NCS1: variants seen among roughly 807,000 people sequenced by gnomAD.
NCS1 encodes the protein frequenin homolog.
Under a neutral mutation model 28.4 loss-of-function variants are expected in NCS1, and 6 were observed. The observed-to-expected ratio is 0.21, with a 90% CI of 0.12 to 0.42. The LOEUF (loss-of-function observed/expected upper bound fraction) is 0.42. Among genes scored for constraint, NCS1 ranks in the 10% least tolerant of loss-of-function variants. NCS1 has a pLI of 1.00. For missense variants in NCS1, 131 were observed against 241.4 expected (o/e 0.54, Z 3.03); for synonymous variants, 86 against 99.3 (o/e 0.87, Z 0.79).
intron 7 of NCS1, among the ~76,000 whole-genome samples, chr9:130,228,463 A>G (rs1203584962): frequency 6.6e-6 from 1 of 151,926 alleles, no homozygotes; most frequent in Non-Finnish European, 1.5e-5. Context: ...ACCTCAAGTG[A>G]TCCTCCTACC....
At position 130,219,950 on chromosome 9, in the gene NCS1, G is replaced by T. The variant is rs1833251633; in HGVS notation, c.307+147G>T. On this transcript the variant is annotated intron_variant, in intron 4 of 7. Coordinates refer to ENST00000372398, the MANE Select transcript of NCS1 (RefSeq NM_014286.4). This position sits in a 1 kb window ranked among gnomAD's most constrained non-coding sequence, Gnocchi z 5.7. Reference sequence around the variant, plus strand: ...TCCCAGCTGTGTCTGCAGAGGGCAGGCCTGGGCCCTGGGCAGGTGGCCCTC... The same window carrying T: ...TCCCAGCTGTGTCTGCAGAGGGCAGTCCTGGGCCCTGGGCAGGTGGCCCTC... 2.2e-6 allele frequency: 2 copies of T among 898,244 alleles called. No individual in the cohort carries two copies. The highest frequency in any genetic ancestry group is 3.3e-5 in the African/African-American group (2 of 60,708). The allele number at this position is 898,244 out of a possible 1,614,324, so 55.6% of individuals were successfully genotyped here. A position where few individuals can be genotyped will look rare whatever the true frequency, so the allele number is the denominator to read the frequency against.
chr9:130,188,371 C>T (rs1655386625), intron 1 of NCS1, among the ~76,000 whole-genome samples: 1 of 152,102 alleles, frequency 6.6e-6, no homozygotes, highest in East Asian at 1.9e-4. Context: ...CACGCCTGAC[C>T]CCCTAGGCTA....
chr9:130,180,309 C>T lies in NCS1; in HGVS notation c.64+7582C>T, dbSNP rs1430778237. The stretch of plus-strand genomic sequence containing the variant: ...TTGGCCTCCCAAAGTGCTGGGATTA[C>T]AGGCGTGAGCCACCACGCCTGGCCT... On this transcript the variant is annotated intron_variant, in intron 1 of 7. Coordinates refer to ENST00000372398, the MANE Select transcript of NCS1 (RefSeq NM_014286.4). This position sits in a 1 kb window ranked among gnomAD's most constrained non-coding sequence, Gnocchi z 4.5. Among the ~76,000 whole-genome samples the T allele has an allele frequency of 1.3e-5, 2 of 152,132 alleles. No individual in the cohort carries two copies. Among genetic ancestry groups the T allele is most frequent in the South Asian group, 2.1e-4 (1 of 4,828 alleles).
rs938994871 is a variant in NCS1, at chr9:130,209,794, T to C, written c.90-8038T>C. Among the ~76,000 whole-genome samples the C allele has an allele frequency of 1.3e-5, 2 of 152,158 alleles. No homozygotes were observed. The highest frequency in any genetic ancestry group is 4.8e-5 in the African/African-American group (2 of 41,434). On this transcript the variant is annotated intron_variant, in intron 2 of 7. Transcript: ENST00000372398. This position sits in a 1 kb window ranked among gnomAD's most constrained non-coding sequence, Gnocchi z 4.4. Reference sequence around the variant, plus strand: ...CGTTGTTGAATCTAGGATTTTCTTTTCTCATCTCTACCCTGTCTCGTGGAG... The same window carrying C: ...CGTTGTTGAATCTAGGATTTTCTTTCCTCATCTCTACCCTGTCTCGTGGAG...
chr9:130,227,516 T>G (rs1268889203), intron 7 of NCS1, among the ~76,000 whole-genome samples: 4 of 152,232 alleles, frequency 2.6e-5, no homozygotes, highest in African/African-American at 9.6e-5. Context: ...GCGGTCCCAC[T>G]AGTAGTGTAT....
chr9:130,220,206 A>G (rs1554910041), intron 4 of NCS1, among the ~76,000 whole-genome samples: 1 of 152,198 alleles, frequency 6.6e-6, no homozygotes, highest in Non-Finnish European at 1.5e-5. Context: ...ACCCAGGTTC[A>G]GTGCCGGACC....
At chr9:130,197,823 C>T (rs923701844) in intron 1 of NCS1, among the ~76,000 whole-genome samples, 25 of 152,040 alleles carry the variant, frequency 1.6e-4, no homozygotes, top group African/African-American at 5.3e-4. Flanking sequence ...ATTAGCTGGC[C>T]GTGGTGGTGT....
Position 130,175,671 on chromosome 9 carries a change from CTG to C in NCS1, c.64+2947_64+2948del, listed in dbSNP as rs1268150092. Among the ~76,000 whole-genome samples, 10 of 152,304 alleles carry C rather than the reference CTG, an allele frequency of 6.6e-5. No homozygotes were observed. Among genetic ancestry groups the C allele is most frequent in the African/African-American group, 2.4e-4 (10 of 41,560 alleles). The stretch of plus-strand genomic sequence containing the variant: ...CCTTGGTGGGCGTCTCTGGCTCTGT[CTG>C]TGGTGGTCTGTGTGTGTGAGGAAGC... On this transcript the variant is annotated intron_variant, in intron 1 of 7. Transcript: ENST00000372398. The surrounding 1 kb of genome is among the most constrained non-coding windows in gnomAD (Gnocchi z 4.9).
intron 7 of NCS1, among the ~76,000 whole-genome samples, chr9:130,228,752 T>C (rs1326719994): frequency 6.6e-6 from 1 of 151,894 alleles, no homozygotes; most frequent in Non-Finnish European, 1.5e-5. Context: ...CTGCAGCCTC[T>C]GCCTCCTGGG....
At chr9:130,200,142 C>T (rs1401134644) in intron 1 of NCS1, among the ~76,000 whole-genome samples, 3 of 152,084 alleles carry the variant, frequency 2.0e-5, no homozygotes, top group Non-Finnish European at 2.9e-5. Context: ...ATGGATGAGG[C>T]GCCCAAGGCA....
intron 1 of NCS1, among the ~76,000 whole-genome samples, chr9:130,194,425 A>G (rs1019539689): frequency 3.6e-5 from 5 of 138,834 alleles, no homozygotes; most frequent in Admixed American, 2.9e-4. Flanking sequence ...GAAGGCTAGG[A>G]CCCACTCTCT....
At chr9:130,210,857 G>A (rs1205481121) in intron 2 of NCS1, among the ~76,000 whole-genome samples, 1 of 113,110 alleles carries the variant, frequency 8.8e-6, no homozygotes, top group African/African-American at 3.5e-5. Context: ...TTTTTTTTTT[G>A]AGACAGGGTC....
At chr9:130,202,814 A>C (rs1300922212) in intron 2 of NCS1, among the ~76,000 whole-genome samples, 1 of 151,952 alleles carries the variant, frequency 6.6e-6, no homozygotes, top group African/African-American at 2.4e-5. Context: ...TCCTGACCTC[A>C]AGTGATCCAC....
intron 1 of NCS1, among the ~76,000 whole-genome samples, chr9:130,179,122 G>A (rs927787302): frequency 6.6e-6 from 1 of 151,240 alleles, no homozygotes; most frequent in African/African-American, 2.4e-5. Context: ...TAGTAGAGAC[G>A]GGGTTTCACC....
intron 1 of NCS1, among the ~76,000 whole-genome samples, chr9:130,174,483 A>G (rs1832533558): frequency 6.6e-6 from 1 of 152,124 alleles, no homozygotes; most frequent in Admixed American, 6.5e-5. Flanking sequence ...CAGTGCCAGG[A>G]CTTGAACTCC....
Position 130,217,937 on chromosome 9 carries a change from C to T in NCS1, c.195C>T (p.Ala65=), listed in dbSNP as rs1554909614. 9 of 1,614,168 alleles carry T rather than the reference C, an allele frequency of 5.6e-6. No homozygotes were observed. Among genetic ancestry groups the T allele is most frequent in the Non-Finnish European group, 7.6e-6 (9 of 1,180,036 alleles). The change falls in exon 3 of 8, where the codon GCC becomes GCT. Residue 65 remains alanine (A), a synonymous_variant. Coordinates refer to ENST00000372398, the MANE Select transcript of NCS1 (RefSeq NM_014286.4). The part of the protein sequence containing the change: ...FFPFGDPTKF[A]TFVFNVFDEN... ...CGTTCGGAGACCCCACCAAGTTTGC[C>T]ACATTTGTTTTCAACGTCTTTGATG...
At chr9:130,185,619 C>T (rs529847951) in intron 1 of NCS1, among the ~76,000 whole-genome samples, 1 of 152,348 alleles carries the variant, frequency 6.6e-6, no homozygotes, top group Non-Finnish European at 1.5e-5. Context: ...GCTCCTGCCT[C>T]TTTGTAGGAA....
intron 1 of NCS1, among the ~76,000 whole-genome samples, chr9:130,178,262 C>T (rs1473559587): frequency 3.9e-5 from 6 of 152,202 alleles, no homozygotes; most frequent in African/African-American, 1.4e-4. Flanking sequence ...CCCCCTTGTA[C>T]AGAGAGGGAA....
intron 5 of NCS1, 51 bp from the exon 6 acceptor site, chr9:130,223,031 G>GCC (rs782579428): frequency 6.5e-7 from 1 of 1,527,212 alleles, no homozygotes; most frequent in East Asian, 2.3e-5. Flanking sequence ...GTGGCCAAGA[G>GCC]CCCAAAGCCC....
Sources: allele counts gnomAD v4.1 joint callset (sites outside exome capture counted in the v4.1 genomes callset), GRCh38; gene constraint gnomAD v4.1.1; non-coding constraint Gnocchi (gnomAD v3.1); transcripts MANE v1.5; gene names NCBI Gene and HGNC (gene_info 2026-07-23, HGNC 2026-07-21).